Variants in ICE1 observed in about 807,000 individuals in gnomAD.
The protein encoded by ICE1 is little elongation complex subunit 1.
A neutral mutation model predicts 192.7 loss-of-function variants in ICE1; 64 were observed. The ratio of observed to expected loss-of-function variants is 0.33; its 90% CI spans 0.27 to 0.41. ICE1 has a LOEUF of 0.41. Ranked by LOEUF, ICE1 falls within the 10% of genes least tolerant of loss-of-function variation. The pLI is 1.00. For missense variants in ICE1, 2,708 were observed against 2,696.0 expected (o/e 1.00, Z -0.10); for synonymous variants, 1,010 against 984.5 (o/e 1.03, Z -0.49).
At chr5:5,423,277 C>G (rs896732594) in intron 1 of ICE1, among the ~76,000 whole-genome samples, 6 of 152,172 alleles carry the variant, frequency 3.9e-5, no homozygotes, top group Non-Finnish European at 7.4e-5. Context: ...GAGGGCCCCC[C>G]ACCTTCCCTA....
At chr5:5,436,360 CAAT>C in intron 1 of ICE1, 55 bp from the exon 2 acceptor site, 9 of 993,790 alleles carry the variant, frequency 9.1e-6, no homozygotes, top group South Asian at 7.2e-5. Flanking sequence ...ATGTTACAGA[CAAT>C]AATTATATTT....
intron 10 of ICE1, among the ~76,000 whole-genome samples, chr5:5,453,410 G>A (rs1212714262): frequency 1.3e-5 from 2 of 152,150 alleles, no homozygotes; most frequent in Non-Finnish European, 2.9e-5. Flanking sequence ...TTTTTGAAGT[G>A]ATGCAGTCTG....
intron 1 of ICE1, among the ~76,000 whole-genome samples, chr5:5,433,041 T>G (rs768306945): frequency 6.6e-6 from 1 of 152,188 alleles, no homozygotes; most frequent in Non-Finnish European, 1.5e-5. Flanking sequence ...GTCATTACCT[T>G]TAGATATTAT....
intron 12 of ICE1, 138 bp from the exon 13 acceptor site, chr5:5,460,298 T>A (rs1316412299): frequency 3.0e-6 from 2 of 668,176 alleles, no homozygotes; most frequent in African/African-American, 3.6e-5. Context: ...ACCACAGAGA[T>A]TCCTAGCCTG....
chr5:5,453,276 A>G (rs940307790), intron 10 of ICE1, among the ~76,000 whole-genome samples: 1 of 152,126 alleles, frequency 6.6e-6, no homozygotes, highest in African/African-American at 2.4e-5. Context: ...AAAAATGGAT[A>G]TGGCTCACAC....
At chr5:5,459,766 G>A (rs935088751) in intron 12 of ICE1, among the ~76,000 whole-genome samples, 3 of 152,184 alleles carry the variant, frequency 2.0e-5, no homozygotes, top group African/African-American at 4.8e-5. Context: ...TGCTGTCAGT[G>A]CACGCCAAGT....
At position 5,462,156 on chromosome 5, in the gene ICE1, G is replaced by C. The variant is rs1313443984; in HGVS notation, c.2822G>C (p.Gly941Ala). 1.9e-6 allele frequency: 3 copies of C among 1,613,658 alleles called. No individual in the cohort carries two copies. The highest frequency in any genetic ancestry group is 1.7e-6 in the Non-Finnish European group (2 of 1,179,656). The stretch of plus-strand genomic sequence containing the variant: ...AGAAAATTAGATTTTAATTCTCCAG[G>C]TGGTTCTTCACCAGTAGAAAATTCT... The part of the protein sequence containing the change: ...SRRKLDFNSP[G>A]GSSPVENSDC... The change falls in exon 13 of 19, where the codon GGT (glycine) becomes GCT (alanine). Residue 941 changes from glycine to alanine, a missense_variant. Physicochemically the swap from Gly to Ala is moderately conservative, Grantham distance 60. Around this residue, in one of 2 missense-constraint regions of ICE1, gnomAD observed 2,366 missense variants for 2,276.6 expected, o/e 1.04. Coordinates refer to ENST00000296564, the MANE Select transcript of ICE1 (RefSeq NM_015325.3).
At chr5:5,480,992 A>G (rs926819496) in intron 17 of ICE1, among the ~76,000 whole-genome samples, 11 of 152,164 alleles carry the variant, frequency 7.2e-5, no homozygotes, top group African/African-American at 2.2e-4. Context: ...TACCCTCAAG[A>G]ACAATTTTCA....
chr5:5,459,382 T>TATGTAC (rs1184061188), intron 12 of ICE1, among the ~76,000 whole-genome samples: 1 of 152,124 alleles, frequency 6.6e-6, no homozygotes, highest in Non-Finnish European at 1.5e-5. Flanking sequence ...TATAGAATGT[T>TATGTAC]AGGTATGAGG....
chr5:5,469,548 T>C lies in ICE1; in HGVS notation c.6222+560T>C, dbSNP rs917150632. Among the ~76,000 whole-genome samples the C allele has an allele frequency of 3.9e-5, 6 of 152,302 alleles. No individual in the cohort carries two copies. The East Asian group carries it at 1.2e-3, about 29-fold the overall frequency. ...TACCTAATGAGAGTCTAACTACCGG[T>C]AGCGAACTTCAAGAAGAGGTACTGA... On this transcript the variant is annotated intron_variant, in intron 15 of 18. Coordinates refer to ENST00000296564, the MANE Select transcript of ICE1 (RefSeq NM_015325.3).
At chr5:5,481,789 A>G (rs899047571) in intron 17 of ICE1, among the ~76,000 whole-genome samples, 6 of 152,208 alleles carry the variant, frequency 3.9e-5, no homozygotes, top group African/African-American at 1.2e-4. Context: ...AGATACACAA[A>G]TGCTTACTCA....
intron 9 of ICE1, 36 bp downstream of exon 9, chr5:5,447,796 T>C (rs747088656): frequency 6.4e-7 from 1 of 1,571,122 alleles, no homozygotes; most frequent in Admixed American, 1.8e-5. Flanking sequence ...AAATTTATTT[T>C]TGATATGTAG....
intron 15 of ICE1, among the ~76,000 whole-genome samples, chr5:5,472,567 C>T (rs1739190971): frequency 2.0e-5 from 3 of 152,096 alleles, no homozygotes; most frequent in Non-Finnish European, 4.4e-5. Context: ...AAATATTTAC[C>T]ATTCTGGCTG....
chr5:5,443,050 A>AT (rs1021477552), intron 5 of ICE1, 118 bp from the exon 6 acceptor site: 6 of 584,138 alleles, frequency 1.0e-5, no homozygotes, highest in African/African-American at 5.9e-5. Context: ...TTCAGTGACT[A>AT]TTTTTTCTGC....
chr5:5,473,890 T>C, intron 16 of ICE1, 142 bp downstream of exon 16: 1 of 626,464 alleles, frequency 1.6e-6, no homozygotes, highest in East Asian at 3.2e-5. Context: ...TTTTATTTTA[T>C]AAGAGTTAAT....
In ICE1 at chr5:5,461,889, C is replaced by T. The variant is rs72646683; in HGVS notation, c.2555C>T (p.Ser852Leu). 5.9e-4 allele frequency: 949 copies of T among 1,613,848 alleles called. 1 individual carries two copies. Among genetic ancestry groups the T allele is most frequent in the Middle Eastern group, 9.9e-4 (6 of 6,062 alleles). Residue 852 changes from serine (S) to leucine (L), a missense_variant, in exon 13 of 19, where the codon TCG (serine) becomes TTG (leucine). Ser to Leu is a moderately radical substitution (Grantham distance 145). Around this residue, in one of 2 missense-constraint regions of ICE1, gnomAD observed 2,366 missense variants for 2,276.6 expected, o/e 1.04. Transcript: ENST00000296564. ...NNPVEFKTTA[S>L]VLPNQVSVIT... is the part of the protein sequence containing the mutation. ...CCTGTAGAATTCAAGACCACTGCAT[C>T]GGTGTTGCCTAATCAAGTATCAGTT...
chr5:5,433,206 C>T (rs907672289), intron 1 of ICE1, among the ~76,000 whole-genome samples: 9 of 152,154 alleles, frequency 5.9e-5, no homozygotes, highest in Non-Finnish European at 7.3e-5. Flanking sequence ...CCCCAAGGGT[C>T]CCTGGTGTTA....
chr5:5,487,930 CAGAG>C lies in ICE1; in HGVS notation c.6619+1115_6619+1118del, dbSNP rs150497236. Among the ~76,000 whole-genome samples, 43 of 152,320 alleles carry C rather than the reference CAGAG, an allele frequency of 2.8e-4. 1 individual carries two copies. In the East Asian group the frequency reaches 7.9e-3, roughly 28 times the overall value. On this transcript the variant is annotated intron_variant, in intron 18 of 18. Coordinates refer to ENST00000296564, the MANE Select transcript of ICE1 (RefSeq NM_015325.3). ...TTGTATACAGGAGGAAACCAAAGCT[CAGAG>C]AGAAGAGTGATTTGCTGAAGGTGAG...
Position 5,454,548 on chromosome 5 carries a change from A to G in ICE1, c.605-4A>G. The G allele has an allele frequency of 6.2e-7, 1 of 1,610,850 alleles. No homozygotes were observed. Among genetic ancestry groups the G allele is most frequent in the African/African-American group, 1.3e-5 (1 of 74,946 alleles). ...TGACTTTAATGCTTTGCTCTGTTTC[A>G]CAGGAAAAGTGAAACTGCTTCTGAA... On this transcript the variant is annotated splice_polypyrimidine_tract_variant and splice_region_variant and intron_variant, in intron 10 of 18. Coordinates refer to ENST00000296564, the MANE Select transcript of ICE1 (RefSeq NM_015325.3).
Sources: allele counts gnomAD v4.1 joint callset (sites outside exome capture counted in the v4.1 genomes callset), GRCh38; gene constraint gnomAD v4.1.1; regional missense constraint gnomAD v4.1.1; transcripts MANE v1.5; gene names NCBI Gene and HGNC (gene_info 2026-07-23, HGNC 2026-07-21).